The following JADE3 variants were observed in gnomAD, a reference collection of about 807,000 sequenced individuals.
JADE3 encodes jade family PHD finger 3, also known as protein Jade-3.
In JADE3, 2 loss-of-function variants were observed where a neutral mutation model predicts 50.1. The ratio of observed to expected loss-of-function variants is 0.04; its 90% CI spans 0.02 to 0.13. The LOEUF is 0.13. JADE3 is among the 10% of genes least tolerant of loss of function. The probability of loss-of-function intolerance (pLI) is 1.00; values close to 1 mark genes in which losing one functional copy is unlikely to be tolerated. For missense variants in JADE3, 475 were observed against 634.4 expected, an observed-to-expected ratio of 0.75 and a Z score of 2.70; for synonymous variants, 218 against 232.9, an observed-to-expected ratio of 0.94 and a Z score of 0.58.
chrX:47,058,387 G>C lies in JADE3; in HGVS notation c.1782G>C (p.Pro594=), dbSNP rs976995798. ...TAGAAATGAGAACAAAATCGTATCCGAGATACCCACTAGAGAGCAAGAATA... is the reference window on the plus strand; with the variant it reads ...TAGAAATGAGAACAAAATCGTATCCCAGATACCCACTAGAGAGCAAGAATA... ...ESLEMRTKSY[P]RYPLESKNNR... is the part of the protein sequence containing the mutation. The change falls in exon 11 of 11, where the codon CCG becomes CCC. Residue 594 remains proline (P), a synonymous_variant. Transcript: ENST00000614628. 2.5e-6 allele frequency: 3 copies of C among 1,208,952 alleles called. No individual in the cohort carries two copies. The African/African-American group carries it at 5.3e-5, about 21-fold the overall frequency.
intron 1 of JADE3, among the ~76,000 whole-genome samples, chrX:46,931,594 T>C (rs1556339922): frequency 9.1e-6 from 1 of 110,212 alleles, no homozygotes; most frequent in African/African-American, 3.3e-5. Flanking sequence ...GCTAATTTTT[T>C]GTATTTTTAG....
At chrX:46,978,466 A>T (rs1927672752) in intron 1 of JADE3, among the ~76,000 whole-genome samples, 1 of 111,786 alleles carries the variant, frequency 8.9e-6, no homozygotes, top group Non-Finnish European at 1.9e-5. Flanking sequence ...GGGTTGGGGA[A>T]AATGGGCTGG....
chrX:47,006,329 G>A (rs1357704560), intron 4 of JADE3, among the ~76,000 whole-genome samples: 3 of 110,422 alleles, frequency 2.7e-5, no homozygotes, highest in African/African-American at 9.9e-5. Context: ...TGTCACTCAC[G>A]CTGGAGTACA....
At chrX:47,023,414 C>T (rs1178798255) in intron 4 of JADE3, among the ~76,000 whole-genome samples, 3 of 111,612 alleles carry the variant, frequency 2.7e-5, no homozygotes, top group Non-Finnish European at 5.6e-5. Flanking sequence ...TGGCTTCCAA[C>T]TCCATCCATG....
At chrX:46,952,875 G>A (rs1379282878) in intron 1 of JADE3, among the ~76,000 whole-genome samples, 1 of 110,754 alleles carries the variant, frequency 9.0e-6, no homozygotes, top group Non-Finnish European at 1.9e-5. Flanking sequence ...GTGTGTGCCT[G>A]TAATCCCAGC....
rs1556374115 is a variant in JADE3, at chrX:47,058,714, C to G, written c.2109C>G (p.Ser703Arg). 5.0e-6 allele frequency: 6 copies of G among 1,211,135 alleles called. No individual in the cohort carries two copies. Among genetic ancestry groups the G allele is most frequent in the Non-Finnish European group, 6.7e-6 (6 of 895,111 alleles). The change falls in exon 11 of 11, where the codon AGC becomes AGG. Residue 703 changes from serine (S) to arginine (R), a missense_variant. Ser to Arg is a moderately radical substitution (Grantham distance 110, BLOSUM62 -1). This residue lies in a region of JADE3 where 243 missense variants were observed against 238.2 expected (regional missense o/e 1.02). Coordinates refer to ENST00000614628, the MANE Select transcript of JADE3 (RefSeq NM_014735.5). Reference sequence around the variant, plus strand: ...GCCCCCACTTGGTCAGTCAGGGCAGCTTTAGAAAATCCACTGTAGAACACT... The same window carrying G: ...GCCCCCACTTGGTCAGTCAGGGCAGGTTTAGAAAATCCACTGTAGAACACT... ...VFSPHLVSQGSFRKSTVEHFS... is the reference protein window; with the variant it reads ...VFSPHLVSQGRFRKSTVEHFS...
At chrX:47,057,048 C>CCACAAAGGGCAACA (rs1247245734) in intron 10 of JADE3, among the ~76,000 whole-genome samples, 28 of 112,008 alleles carry the variant, frequency 2.5e-4, no homozygotes, top group African/African-American at 8.4e-4. Context: ...GGCAGCAAGA[C>CCACAAAGGGCAACA]TGCTCAGCCA....
At chrX:46,937,654 C>G (rs183378226) in intron 1 of JADE3, among the ~76,000 whole-genome samples, 1 of 111,905 alleles carries the variant, frequency 8.9e-6, no homozygotes. Flanking sequence ...CCTCTGCATC[C>G]CTCTTCTATC....
chrX:46,993,533 C>T (rs1257728921), intron 3 of JADE3, among the ~76,000 whole-genome samples: 3 of 111,574 alleles, frequency 2.7e-5, no homozygotes, highest in Non-Finnish European at 5.6e-5. Context: ...TCCGTTATAC[C>T]TCTGTTTGAT....
intron 4 of JADE3, among the ~76,000 whole-genome samples, chrX:47,015,435 T>A (rs1928647970): frequency 9.2e-6 from 1 of 108,711 alleles, no homozygotes; most frequent in East Asian, 2.9e-4. Flanking sequence ...TACAAAAAAA[T>A]TAGCTGGGTG....
chrX:46,958,988 A>T, intron 1 of JADE3, among the ~76,000 whole-genome samples: 2 of 112,144 alleles, frequency 1.8e-5, no homozygotes, highest in Admixed American at 1.9e-4. Flanking sequence ...GTAGCTTGGG[A>T]CATCACAAGT....
At chrX:46,944,672 C>T (rs1474711843) in intron 1 of JADE3, among the ~76,000 whole-genome samples, 3 of 110,767 alleles carry the variant, frequency 2.7e-5, no homozygotes, top group African/African-American at 9.9e-5. Flanking sequence ...GCCTTTTTTA[C>T]ATCCCAGAGA....
rs1556357453 is a variant in JADE3 at position 46,996,624 on chromosome X, ATTGAT to A, written c.127-1492_127-1488del. Among the ~76,000 whole-genome samples the A allele has an allele frequency of 3.6e-5, 4 of 111,697 alleles. No homozygotes were observed. The East Asian group carries it at 8.4e-4, about 23-fold the overall frequency. On this transcript the variant is annotated intron_variant, in intron 3 of 10. Transcript: ENST00000614628. ...CAGCTTTTGGTGGATGTCAGCATTG[ATTGAT>A]TTGTGGATCAATGAATCACTCTAAT...
chrX:46,930,515 G>A (rs1926466751), intron 1 of JADE3, among the ~76,000 whole-genome samples: 2 of 112,146 alleles, frequency 1.8e-5, no homozygotes, highest in South Asian at 7.4e-4. Flanking sequence ...AAAGGGCAGG[G>A]TTTGTACTGC....
chrX:46,930,269 G>C (rs1457890653), intron 1 of JADE3, among the ~76,000 whole-genome samples: 7 of 111,823 alleles, frequency 6.3e-5, no homozygotes, highest in Non-Finnish European at 1.1e-4. Flanking sequence ...GAGGGAGAGA[G>C]AGATCCAGTC....
intron 3 of JADE3, 28 bp downstream of exon 3, chrX:46,985,820 T>A: frequency 9.7e-7 from 1 of 1,033,734 alleles, no homozygotes; most frequent in Non-Finnish European, 1.4e-6. Flanking sequence ...ATTTTTAGAC[T>A]TAAGCTATAG....
At chrX:46,978,075 G>A (rs1324477375) in intron 1 of JADE3, among the ~76,000 whole-genome samples, 1 of 111,919 alleles carries the variant, frequency 8.9e-6, no homozygotes, top group Non-Finnish European at 1.9e-5. Context: ...CTTTCAAGAT[G>A]CTTGTGGTCT....
chrX:47,053,455 C>T (rs935809094), intron 8 of JADE3, among the ~76,000 whole-genome samples: 15 of 110,572 alleles, frequency 1.4e-4, no homozygotes, highest in Non-Finnish European at 2.5e-4. Context: ...GACAGGGTTT[C>T]GCCATGTTGC....
Position 46,912,624 on chromosome X carries a change from G to T in JADE3, c.-107G>T, listed in dbSNP as rs1254307282. 9.1e-6 allele frequency: 1 copy of T among 110,014 alleles called. No homozygotes were observed. Among genetic ancestry groups the T allele is most frequent in the African/African-American group, 3.3e-5 (1 of 30,574 alleles). 9.1% of individuals were successfully genotyped at this position (110,014 alleles called of 1,213,427 possible). On this transcript the variant is annotated 5_prime_UTR_variant, in exon 1 of 11. Transcript: ENST00000614628. ...GGGAGGGAAGAGAAGAAAGCGAGCG[G>T]TTAGGGGGGCGGTTACCACTCCGAC...
Sources: gnomAD v4.1 joint callset for allele counts (sites outside exome capture counted in the v4.1 genomes callset) on GRCh38, gnomAD v4.1.1 for gene constraint, gnomAD v4.1.1 regional missense constraint, MANE v1.5 for transcripts, NCBI Gene and HGNC (gene_info 2026-07-23, HGNC 2026-07-21) for gene names.